The following WWOX variants were observed in gnomAD, a reference collection of about 807,000 sequenced individuals.
WWOX encodes the protein WW domain containing oxidoreductase, also known as WW domain-containing oxidoreductase.
WWOX carries 69 observed loss-of-function variants against 46.2 expected under a neutral mutation model. The observed-to-expected ratio is 1.49, with a 90% CI of 1.23 to 1.82. WWOX has a LOEUF of 1.82. Among genes scored for constraint, WWOX ranks in the 40% most tolerant of loss-of-function variants. The pLI is 0.00. For missense variants in WWOX, 919 were observed against 542.6 expected (o/e 1.69, Z -6.89); for synonymous variants, 359 against 202.6 (o/e 1.77, Z -6.56).
chr16:79,140,737 T>C (rs1230084456), intron 8 of WWOX, among the ~76,000 whole-genome samples: 2 of 152,220 alleles, frequency 1.3e-5, no homozygotes, highest in Non-Finnish European at 2.9e-5. Context: ...TTTTGTCTGT[T>C]AAACATAAGC....
rs1209758447 is a variant in WWOX at position 78,432,485 on chromosome 16, A to G, written c.792-3A>G. 1 of 1,613,990 alleles carries G rather than the reference A, an allele frequency of 6.2e-7. No individual in the cohort carries two copies. The highest frequency in any genetic ancestry group is 8.5e-7 in the Non-Finnish European group (1 of 1,180,014). Reference sequence around the variant, plus strand: ...GCTTCATGTCATATTTCCTATTTTTAAGATTTACAGATATTAACGACTCCT... The same window carrying G: ...GCTTCATGTCATATTTCCTATTTTTGAGATTTACAGATATTAACGACTCCT... On this transcript the variant is annotated splice_region_variant and splice_polypyrimidine_tract_variant and intron_variant, in intron 7 of 8. Transcript: ENST00000566780.
intron 5 of WWOX, among the ~76,000 whole-genome samples, chr16:78,274,821 C>A (rs147351903): frequency 6.6e-6 from 1 of 152,154 alleles, no homozygotes; most frequent in African/African-American, 2.4e-5. Flanking sequence ...TTTAAAAATT[C>A]TTTCTCCCTT....
chr16:78,675,028 T>A (rs907816483), intron 8 of WWOX, among the ~76,000 whole-genome samples: 1 of 152,204 alleles, frequency 6.6e-6, no homozygotes, highest in Non-Finnish European at 1.5e-5. Flanking sequence ...TAATATTATA[T>A]ATGTACATTA....
At chr16:78,254,192 G>T (rs571682480) in intron 5 of WWOX, among the ~76,000 whole-genome samples, 1 of 151,352 alleles carries the variant, frequency 6.6e-6, no homozygotes, top group African/African-American at 2.4e-5. Context: ...TGCCTGGTAG[G>T]TGGGACTACA....
intron 8 of WWOX, among the ~76,000 whole-genome samples, chr16:78,555,083 G>A (rs1391500111): frequency 6.6e-6 from 1 of 150,418 alleles, no homozygotes; most frequent in African/African-American, 2.4e-5. Flanking sequence ...GGTGGGTTTG[G>A]AAGGACGGAT....
At chr16:78,914,155 C>G (rs989314044) in intron 8 of WWOX, among the ~76,000 whole-genome samples, 1 of 152,080 alleles carries the variant, frequency 6.6e-6, no homozygotes, top group Admixed American at 6.6e-5. Context: ...TCACTACTCA[C>G]AATTTCTCTA....
intron 8 of WWOX, chr16:79,101,550 CT>C (rs1489114725): frequency 1.3e-5 from 2 of 152,090 alleles, no homozygotes; most frequent in Non-Finnish European, 2.9e-5. Context: ...ACAGTGGGTC[CT>C]GGGAATTTGC....
chr16:78,445,600 C>T (rs575491147), intron 8 of WWOX, among the ~76,000 whole-genome samples: 16 of 152,228 alleles, frequency 1.1e-4, no homozygotes, highest in African/African-American at 2.9e-4. Context: ...TGATCACCTT[C>T]GGTTAGTAAA....
chr16:78,817,895 A>G (rs2051381889), intron 8 of WWOX, among the ~76,000 whole-genome samples: 1 of 152,190 alleles, frequency 6.6e-6, no homozygotes, highest in Non-Finnish European at 1.5e-5. Context: ...ATGAGAAACC[A>G]TCTCATTGGG....
Position 78,344,054 on chromosome 16 carries a change from A to G in WWOX, c.517-42806A>G, listed in dbSNP as rs1286535545. Among the ~76,000 whole-genome samples the G allele has an allele frequency of 1.7e-5, 2 of 118,692 alleles. 1 individual carries two copies. Among genetic ancestry groups the G allele is most frequent in the Non-Finnish European group, 4.0e-5 (2 of 49,958 alleles). The allele number at this position is 118,692 out of a possible 152,430, so 77.9% of individuals were successfully genotyped here. A position where few individuals can be genotyped will look rare whatever the true frequency, so the allele number is the denominator to read the frequency against. On this transcript the variant is annotated intron_variant, in intron 5 of 8. Coordinates refer to ENST00000566780, the MANE Select transcript of WWOX (RefSeq NM_016373.4). ...TTTTTTTTCTTTCTCCTCACCATCA[A>G]GAAATGTTCCAGAATGCCATTATTC...
intron 5 of WWOX, among the ~76,000 whole-genome samples, chr16:78,199,494 C>T (rs77392121): frequency 1.6e-3 from 250 of 152,266 alleles, no homozygotes; most frequent in African/African-American, 5.7e-3. Context: ...TCCTGCTCTG[C>T]GGATCCGGCA....
At chr16:78,495,847 T>C (rs1383870342) in intron 8 of WWOX, 1 of 152,130 alleles carries the variant, frequency 6.6e-6, no homozygotes, top group Admixed American at 6.5e-5. Context: ...AATCTGTGCT[T>C]GGTTTATTTT....
chr16:78,569,237 C>T (rs1247955331), intron 8 of WWOX, among the ~76,000 whole-genome samples: 1 of 152,276 alleles, frequency 6.6e-6, no homozygotes, highest in East Asian at 1.9e-4. Context: ...TAGAAAAGTG[C>T]TTCCTTGTCT....
chr16:79,114,689 C>G (rs1300031570), intron 8 of WWOX, among the ~76,000 whole-genome samples: 1 of 152,102 alleles, frequency 6.6e-6, no homozygotes, highest in African/African-American at 2.4e-5. Flanking sequence ...GTTTGTGGCA[C>G]TTTGTTATGG....
chr16:78,910,213 T>A (rs1352688042), intron 8 of WWOX, among the ~76,000 whole-genome samples: 1 of 152,178 alleles, frequency 6.6e-6, no homozygotes, highest in African/African-American at 2.4e-5. Flanking sequence ...AAGCATGAAC[T>A]GTCACTTCAA....
In WWOX at chr16:78,277,558, G is replaced by A. The variant is rs73572436; in HGVS notation, c.517-109302G>A. On this transcript the variant is annotated intron_variant, in intron 5 of 8. Transcript: ENST00000566780. Reference sequence around the variant, plus strand: ...TCAAAGCTGGGCAGGGGGTGGGGGAGGGCACAGTGGGGAACCTGGCCCAAT... The same window carrying A: ...TCAAAGCTGGGCAGGGGGTGGGGGAAGGCACAGTGGGGAACCTGGCCCAAT... Among the ~76,000 whole-genome samples the A allele has an allele frequency of 4.0e-3, 614 of 152,260 alleles. 4 individuals are homozygous for A. The highest frequency in any genetic ancestry group is 0.014 in the African/African-American group (565 of 41,546).
chr16:78,156,952 A>C (rs938233467), intron 4 of WWOX, among the ~76,000 whole-genome samples: 1 of 152,070 alleles, frequency 6.6e-6, no homozygotes, highest in Non-Finnish European at 1.5e-5. Context: ...CAGTCAATCA[A>C]TCAAGTTCTG....
intron 8 of WWOX, among the ~76,000 whole-genome samples, chr16:78,931,559 G>T (rs1247418187): frequency 6.6e-6 from 1 of 152,256 alleles, no homozygotes; most frequent in East Asian, 1.9e-4. Context: ...AAGGCAATGA[G>T]TACATGATCC....
chr16:78,349,728 G>GC (rs34051022), intron 5 of WWOX, among the ~76,000 whole-genome samples: 5,022 of 121,152 alleles, frequency 0.041, 1,435 homozygotes, highest in Non-Finnish European at 0.053. Context: ...TTGAAATTAT[G>GC]CTTGGAGTGC....
Sources: gnomAD v4.1 joint callset for allele counts (sites outside exome capture counted in the v4.1 genomes callset) on GRCh38, gnomAD v4.1.1 for gene constraint, MANE v1.5 for transcripts, NCBI Gene and HGNC (gene_info 2026-07-23, HGNC 2026-07-21) for gene names.